SLC45A2: variants seen among roughly 807,000 people sequenced by gnomAD.
The protein encoded by SLC45A2 is solute carrier family 45 member 2.
In SLC45A2, 36 loss-of-function variants were observed where a neutral mutation model predicts 45.5. That is an observed-to-expected ratio of 0.79 (90% CI 0.61 to 1.04). SLC45A2 has a LOEUF of 1.04. Among genes scored for constraint, SLC45A2 ranks in the 50% least tolerant of loss-of-function variants. The pLI is 0.00. For missense variants in SLC45A2, 719 were observed against 671.0 expected (o/e 1.07, Z -0.79); for synonymous variants, 306 against 269.3 (o/e 1.14, Z -1.33).
intron 2 of SLC45A2, among the ~76,000 whole-genome samples, chr5:33,971,634 A>T (rs1457710220): frequency 7.2e-5 from 11 of 151,732 alleles, no homozygotes; most frequent in Admixed American, 5.9e-4. Context: ...ATTATTTTTT[A>T]TTTTTTATTT....
chr5:33,972,447 G>A, intron 2 of SLC45A2: 1 of 308,860 alleles, frequency 3.2e-6, no homozygotes, highest in South Asian at 3.6e-5. Flanking sequence ...ATTAATTATG[G>A]AGTAATTGTG....
At chr5:33,971,940 T>G (rs1240479337) in intron 2 of SLC45A2, 1 of 392,754 alleles carries the variant, frequency 2.5e-6, no homozygotes, top group Non-Finnish European at 5.1e-6. Context: ...CAGCTAATTT[T>G]TGTATCTTCT....
intron 2 of SLC45A2, among the ~76,000 whole-genome samples, chr5:33,977,760 T>C (rs750205321): frequency 6.6e-6 from 1 of 152,156 alleles, no homozygotes; most frequent in Non-Finnish European, 1.5e-5. Flanking sequence ...TGAAAAATTA[T>C]TCAGAGCACA....
chr5:33,947,346 A>T lies in SLC45A2; in HGVS notation c.1185T>A (p.Ile395=). ...SYFQKVLVSY[I]GLKGLYFTGY... is the part of the protein sequence containing the mutation. ...CCGTGAAGTAAAGACCCTTTAATCC[A>T]ATGTAGGATACCAAAACTTTCTGAA... Residue 395 remains isoleucine (I), a synonymous_variant, in exon 6 of 7, where the codon ATT becomes ATA. Transcript: ENST00000296589. The T allele has an allele frequency of 6.2e-7, 1 of 1,614,244 alleles. No individual in the cohort carries two copies. Among genetic ancestry groups the T allele is most frequent in the Non-Finnish European group, 8.5e-7 (1 of 1,180,044 alleles).
intron 2 of SLC45A2, among the ~76,000 whole-genome samples, chr5:33,975,909 C>T (rs3776548): frequency 0.12 from 18,180 of 152,062 alleles, 2,186 homozygotes; most frequent in African/African-American, 0.3. Flanking sequence ...CCTGACCCTC[C>T]TCTCCCCTCC....
intron 2 of SLC45A2, chr5:33,972,362 A>ATTT: frequency 2.6e-6 from 1 of 382,238 alleles, no homozygotes; most frequent in Non-Finnish European, 5.3e-6. Context: ...AAAAATACAT[A>ATTT]TTGATTTGCC....
intron 3 of SLC45A2, among the ~76,000 whole-genome samples, chr5:33,958,930 A>T (rs1043458421): frequency 6.6e-6 from 1 of 152,184 alleles, no homozygotes; most frequent in African/African-American, 2.4e-5. Flanking sequence ...GGGGACATCA[A>T]AGAGGTAGAT....
intron 3 of SLC45A2, among the ~76,000 whole-genome samples, chr5:33,958,898 G>A (rs1579543371): frequency 6.6e-6 from 1 of 152,186 alleles, no homozygotes; most frequent in Admixed American, 6.5e-5. Flanking sequence ...GACTCTTGGA[G>A]GGGGAGTCCC....
intron 4 of SLC45A2, 122 bp from the exon 5 acceptor site, chr5:33,951,799 A>G (rs1399244329): frequency 1.6e-6 from 2 of 1,213,492 alleles, no homozygotes; most frequent in Admixed American, 1.7e-5. Context: ...TTTCTAGAGT[A>G]CAGAGCTGAT....
At chr5:33,949,545 G>A (rs1372567725) in intron 5 of SLC45A2, among the ~76,000 whole-genome samples, 1 of 152,164 alleles carries the variant, frequency 6.6e-6, no homozygotes, top group Non-Finnish European at 1.5e-5. Flanking sequence ...GGCAAAGTAT[G>A]AACTAGGCCA....
intron 2 of SLC45A2, among the ~76,000 whole-genome samples, chr5:33,976,852 T>C (rs765116633): frequency 3.9e-5 from 6 of 152,166 alleles, no homozygotes; most frequent in Admixed American, 2.6e-4. Flanking sequence ...GAGAAAAGCA[T>C]GTGTGCTCCA....
chr5:33,947,910 T>G lies in SLC45A2; in HGVS notation c.1157-536A>C, dbSNP rs116878370. Among the ~76,000 whole-genome samples the G allele has an allele frequency of 1.8e-4, 28 of 152,314 alleles. No individual in the cohort carries two copies. The East Asian group carries it at 5.2e-3, about 28-fold the overall frequency. On this transcript the variant is annotated intron_variant, in intron 5 of 6. Coordinates refer to ENST00000296589, the MANE Select transcript of SLC45A2 (RefSeq NM_016180.5). The stretch of plus-strand genomic sequence containing the variant: ...GCACACCTGAGAAGGAGGTAAAAGA[T>G]GTACAATTATCTGAAGACACCTTCC...
At chr5:33,977,720 C>T (rs945147308) in intron 2 of SLC45A2, among the ~76,000 whole-genome samples, 1 of 152,170 alleles carries the variant, frequency 6.6e-6, no homozygotes. Flanking sequence ...GGGAATAAAA[C>T]AGACCTGCCC....
chr5:33,951,478 A>G, intron 5 of SLC45A2, 76 bp downstream of exon 5: 1 of 1,610,320 alleles, frequency 6.2e-7, no homozygotes, highest in Non-Finnish European at 8.5e-7. Context: ...TAGGAAATAC[A>G]CATAGAAATA....
chr5:33,983,108 T>A (rs868135299), intron 1 of SLC45A2, among the ~76,000 whole-genome samples: 59 of 152,336 alleles, frequency 3.9e-4, no homozygotes, highest in African/African-American at 1.4e-3. Context: ...TAACGGTCTC[T>A]GCTGATGCTG....
intron 2 of SLC45A2, among the ~76,000 whole-genome samples, chr5:33,974,825 T>C (rs1305299077): frequency 6.6e-6 from 1 of 152,226 alleles, no homozygotes. Flanking sequence ...AAGACAAGAG[T>C]AACATTTTAA....
chr5:33,974,555 T>C (rs771619979), intron 2 of SLC45A2, among the ~76,000 whole-genome samples: 5 of 152,196 alleles, frequency 3.3e-5, no homozygotes, highest in African/African-American at 7.2e-5. Flanking sequence ...ACACTGAACA[T>C]GCCTCTGCCG....
intron 3 of SLC45A2, among the ~76,000 whole-genome samples, chr5:33,957,351 T>G (rs762470624): frequency 2.6e-5 from 4 of 152,170 alleles, no homozygotes; most frequent in Non-Finnish European, 5.9e-5. Context: ...CAGCATATTT[T>G]TTATACTTCT....
chr5:33,953,244 G>A (rs1009806368), intron 4 of SLC45A2, among the ~76,000 whole-genome samples: 2 of 132,062 alleles, frequency 1.5e-5, no homozygotes, highest in African/African-American at 5.7e-5. Flanking sequence ...GGTATTTCTA[G>A]TTCTAGATCC....
Sources: allele counts gnomAD v4.1 joint callset (sites outside exome capture counted in the v4.1 genomes callset), GRCh38; gene constraint gnomAD v4.1.1; transcripts MANE v1.5; gene names NCBI Gene and HGNC (gene_info 2026-07-23, HGNC 2026-07-21).